AGAP1: variants seen among roughly 807,000 people sequenced by gnomAD.
AGAP1 encodes the protein ArfGAP with GTPase domain, ankyrin repeat and PH domain 1, also known as arf-GAP with GTPase, ANK repeat and PH domain-containing protein 1.
In AGAP1, 29 loss-of-function variants were observed where a neutral mutation model predicts 105.3. The ratio of observed to expected loss-of-function variants is 0.28; its 90% CI spans 0.21 to 0.38. AGAP1 has a LOEUF of 0.38. AGAP1 is among the 10% of genes least tolerant of loss of function. The probability of loss-of-function intolerance (pLI) is 1.00; values close to 1 mark genes in which losing one functional copy is unlikely to be tolerated. For missense variants in AGAP1, 998 were observed against 1,165.1 expected (o/e 0.86, Z 2.09); for synonymous variants, 509 against 485.9 (o/e 1.05, Z -0.63).
intron 6 of AGAP1, among the ~76,000 whole-genome samples, chr2:235,785,000 A>G (rs1461424649): frequency 6.6e-6 from 1 of 152,188 alleles, no homozygotes; most frequent in Non-Finnish European, 1.5e-5. Context: ...ACATTGTATA[A>G]TTCAACCTGT....
chr2:235,697,737 A>G (rs1950061563), intron 1 of AGAP1, among the ~76,000 whole-genome samples: 1 of 152,206 alleles, frequency 6.6e-6, no homozygotes. Flanking sequence ...TTTCACCATG[A>G]ATTAAACAGT....
intron 12 of AGAP1, among the ~76,000 whole-genome samples, chr2:235,944,152 A>G (rs1218916768): frequency 1.3e-5 from 2 of 152,232 alleles, no homozygotes; most frequent in African/African-American, 2.4e-5. Flanking sequence ...ATTTCTATGT[A>G]TATTTCAGAT....
Position 235,741,059 on chromosome 2 carries a change from A to G in AGAP1, c.396+11A>G. 3.1e-6 allele frequency: 5 copies of G among 1,609,806 alleles called. No individual in the cohort carries two copies. Among genetic ancestry groups the G allele is most frequent in the Non-Finnish European group, 4.2e-6 (5 of 1,176,884 alleles). ...CCCCCGGAGGCGCAGGTGAGTATAC[A>G]TGCATGCCCCAAGCCTGCTTTTTTT... On this transcript the variant is annotated intron_variant, in intron 4 of 17. Coordinates refer to ENST00000304032, the MANE Select transcript of AGAP1 (RefSeq NM_001037131.3). The surrounding 1 kb of genome is among the most constrained non-coding windows in gnomAD (Gnocchi z 4.9).
intron 12 of AGAP1, among the ~76,000 whole-genome samples, chr2:235,937,626 A>C (rs78891404): frequency 9.9e-5 from 15 of 152,238 alleles, no homozygotes; most frequent in Non-Finnish European, 2.2e-4. Context: ...TAGTTGCTGT[A>C]GTGCCCGGAC....
chr2:235,534,108 G>A (rs899059206), intron 1 of AGAP1, among the ~76,000 whole-genome samples: 2 of 152,232 alleles, frequency 1.3e-5, no homozygotes, highest in Non-Finnish European at 2.9e-5. Flanking sequence ...AGTACTCACT[G>A]TGTGTTCTCC....
chr2:235,938,381 G>A (rs1233330779), intron 12 of AGAP1, among the ~76,000 whole-genome samples: 3 of 152,236 alleles, frequency 2.0e-5, no homozygotes, highest in Non-Finnish European at 2.9e-5. Flanking sequence ...CCGCCTCCAA[G>A]AACGCTGGGT....
chr2:235,903,163 A>G (rs2051145089), intron 10 of AGAP1, among the ~76,000 whole-genome samples: 1 of 152,172 alleles, frequency 6.6e-6, no homozygotes, highest in Admixed American at 6.5e-5. Flanking sequence ...ATATTTCTCA[A>G]CATACATGTA....
chr2:235,797,645 A>G (rs1470980979), intron 6 of AGAP1, 114 bp from the exon 7 acceptor site: 7 of 1,363,102 alleles, frequency 5.1e-6, no homozygotes, highest in South Asian at 1.3e-5. Context: ...CAGGAATGCT[A>G]TTACTGCGAA....
chr2:235,756,206 G>A (rs887125525), intron 6 of AGAP1, among the ~76,000 whole-genome samples: 5 of 152,128 alleles, frequency 3.3e-5, no homozygotes, highest in Non-Finnish European at 7.4e-5. Context: ...TAGCGTGTTC[G>A]GAGCTTTCTC....
rs2059028987 is a variant in AGAP1 at position 236,090,429 on chromosome 2, T to C, written c.2115-29763T>C. Among the ~76,000 whole-genome samples, 1 of 152,210 alleles carries C rather than the reference T, an allele frequency of 6.6e-6. No homozygotes were observed. The highest frequency in any genetic ancestry group is 1.5e-5 in the Non-Finnish European group (1 of 68,036). On this transcript the variant is annotated intron_variant, in intron 16 of 17. Coordinates refer to ENST00000304032, the MANE Select transcript of AGAP1 (RefSeq NM_001037131.3). This position sits in a 1 kb window ranked among gnomAD's most constrained non-coding sequence, Gnocchi z 4.3. ...ATAATATTCACATGTTTCTTCTAAT[T>C]GGTAACAGATTAGAGGCATTTTATC... is the stretch of plus-strand genomic sequence containing the variant.
chr2:235,745,677 C>T lies in AGAP1; in HGVS notation c.538+838C>T, dbSNP rs546040445. Among the ~76,000 whole-genome samples the T allele has an allele frequency of 2.6e-5, 4 of 152,326 alleles. No homozygotes were observed. The East Asian group carries it at 7.7e-4, about 29-fold the overall frequency. On this transcript the variant is annotated intron_variant, in intron 5 of 17. Coordinates refer to ENST00000304032, the MANE Select transcript of AGAP1 (RefSeq NM_001037131.3). ...ATTCTTTTAGAATGAGCCTATCTGA[C>T]ATGCCCATCCATGCTCTGATGTGAG...
chr2:235,730,165 GAGT>G (rs1951863494), intron 3 of AGAP1, among the ~76,000 whole-genome samples: 1 of 152,116 alleles, frequency 6.6e-6, no homozygotes, highest in African/African-American at 2.4e-5. Flanking sequence ...TTGAAAAAGA[GAGT>G]TCATGTAAAG....
chr2:235,717,718 C>A, intron 3 of AGAP1, 74 bp downstream of exon 3: 3 of 1,289,554 alleles, frequency 2.3e-6, no homozygotes, highest in Non-Finnish European at 2.2e-6. Flanking sequence ...TATTATAAAT[C>A]ATGACTTTGA....
chr2:235,524,513 C>T (rs911102482), intron 1 of AGAP1: 1 of 349,338 alleles, frequency 2.9e-6, no homozygotes, highest in Non-Finnish European at 6.0e-6. Flanking sequence ...AGAAGACAGG[C>T]CACGGGGCTG....
At position 236,124,363 on chromosome 2, in the gene AGAP1, A is replaced by G. The variant is rs567969929; in HGVS notation, c.*241A>G. 1.4e-5 allele frequency: 8 copies of G among 564,020 alleles called. No individual in the cohort carries two copies. In the South Asian group the frequency reaches 1.6e-4, roughly 11 times the overall value. The allele number at this position is 564,020 out of a possible 1,614,324, so 34.9% of individuals were successfully genotyped here. A position where few individuals can be genotyped will look rare whatever the true frequency, so the allele number is the denominator to read the frequency against. On this transcript the variant is annotated 3_prime_UTR_variant, in exon 18 of 18. Coordinates refer to ENST00000304032, the MANE Select transcript of AGAP1 (RefSeq NM_001037131.3). This position sits in a 1 kb window ranked among gnomAD's most constrained non-coding sequence, Gnocchi z 5.1. ...CTTTTCATAAACTCCCCTAAACCAC[A>G]CACAGGAGAGAGCGACGGGCCTCGG... is the stretch of plus-strand genomic sequence containing the variant.
chr2:235,890,506 T>A (rs1426301729), intron 10 of AGAP1, among the ~76,000 whole-genome samples: 3 of 151,574 alleles, frequency 2.0e-5, no homozygotes, highest in Non-Finnish European at 2.9e-5. Context: ...AGCACCAGAG[T>A]GGGGAGGGGT....
At position 235,590,904 on chromosome 2, in the gene AGAP1, G is replaced by C. The variant is rs1945316824; in HGVS notation, c.163+96055G>C. Among the ~76,000 whole-genome samples, 5 of 151,222 alleles carry C rather than the reference G, an allele frequency of 3.3e-5. No individual in the cohort carries two copies. In the South Asian group the frequency reaches 1.0e-3, roughly 32 times the overall value. On this transcript the variant is annotated intron_variant, in intron 1 of 17. Transcript: ENST00000304032. ...CCCGGCTAATTTTTTTGTATTTTTA[G>C]TAGAGACGGGGTTTCACCATGTTAG...
Position 235,964,002 on chromosome 2 carries a change from G to A in AGAP1, c.1484-4460G>A, listed in dbSNP as rs1198926473. Among the ~76,000 whole-genome samples, 1 of 152,198 alleles carries A rather than the reference G, an allele frequency of 6.6e-6. No homozygotes were observed. Among genetic ancestry groups the A allele is most frequent in the Non-Finnish European group, 1.5e-5 (1 of 68,042 alleles). ...GAGTTTATGATATAATGCACCTACT[G>A]TAGGCTCAGCATTGCACAAGTCACC... On this transcript the variant is annotated intron_variant, in intron 12 of 17. Transcript: ENST00000304032. This position sits in a 1 kb window ranked among gnomAD's most constrained non-coding sequence, Gnocchi z 4.6.
At chr2:236,075,622 C>G (rs1315232520) in intron 16 of AGAP1, among the ~76,000 whole-genome samples, 3 of 152,134 alleles carry the variant, frequency 2.0e-5, no homozygotes, top group Non-Finnish European at 2.9e-5. Flanking sequence ...CCTCAGTGGC[C>G]TCCAGGGGAA....
Sources: gnomAD v4.1 joint callset for allele counts (sites outside exome capture counted in the v4.1 genomes callset) on GRCh38, gnomAD v4.1.1 for gene constraint, Gnocchi (gnomAD v3.1) non-coding constraint, MANE v1.5 for transcripts, NCBI Gene and HGNC (gene_info 2026-07-23, HGNC 2026-07-21) for gene names.